DCP1B: variants seen among roughly 807,000 people sequenced by gnomAD.
The protein encoded by DCP1B is decapping mRNA 1B.
DCP1B carries 47 observed loss-of-function variants against 60.5 expected under a neutral mutation model. That is an observed-to-expected ratio of 0.78 (90% CI 0.61 to 0.99). DCP1B has a LOEUF of 0.99. Ranked by LOEUF, DCP1B falls within the 50% of genes least tolerant of loss-of-function variation. The pLI, the probability that DCP1B is intolerant of heterozygous loss-of-function variation, is 0.00. For synonymous variants in DCP1B, 267 were observed against 280.3 expected, an observed-to-expected ratio of 0.95 and a Z score of 0.47; for missense variants, 725 against 756.8, an observed-to-expected ratio of 0.96 and a Z score of 0.49.
intron 7 of DCP1B, among the ~76,000 whole-genome samples, chr12:1,950,984 A>G (rs988294327): frequency 2.0e-5 from 3 of 152,210 alleles, no homozygotes; most frequent in African/African-American, 7.2e-5. Flanking sequence ...TATAAGTTAC[A>G]TAACAGGCCA....
At chr12:1,959,927 T>C (rs931261365) in intron 5 of DCP1B, among the ~76,000 whole-genome samples, 3 of 147,788 alleles carry the variant, frequency 2.0e-5, no homozygotes, top group Non-Finnish European at 3.0e-5. Flanking sequence ...TCCACTGCAC[T>C]CCAGCTTGGG....
In DCP1B at chr12:1,955,577, A is replaced by C. The variant is rs1235234828; in HGVS notation, c.523-17T>G. 1 of 1,604,910 alleles carries C rather than the reference A, an allele frequency of 6.2e-7. No homozygotes were observed. The highest frequency in any genetic ancestry group is 8.5e-7 in the Non-Finnish European group (1 of 1,176,056). ...GGTTTTACACTGAAATAGAAAAGAA[A>C]ATCCCCTCATTTTTGGCTTAGAAAA... On this transcript the variant is annotated splice_polypyrimidine_tract_variant and intron_variant, in intron 5 of 8. Transcript: ENST00000280665.
Position 1,952,441 on chromosome 12 carries a change from G to C in DCP1B, c.1499C>G (p.Thr500Arg). The change falls in exon 7 of 9, where the codon ACA becomes AGA. Residue 500 changes from threonine to arginine, a missense_variant. Physicochemically the swap from Thr to Arg is moderately conservative, Grantham distance 71. Transcript: ENST00000280665. ...LESWINKTPN[T>R]EQQTPLFQVI... ...CTGGAAAAGAGGAGTCTGCTGTTCT[G>C]TGTTGGGTGTCTTGTTGATCCAGGA... The C allele has an allele frequency of 6.2e-7, 1 of 1,606,342 alleles. No individual in the cohort carries two copies.
intron 3 of DCP1B, among the ~76,000 whole-genome samples, chr12:1,990,513 T>C (rs1038822439): frequency 2.6e-5 from 4 of 152,226 alleles, no homozygotes; most frequent in African/African-American, 9.6e-5. Context: ...ATTTTGCTCT[T>C]CTACATTCAT....
At chr12:1,968,422 G>A (rs1006243725) in intron 3 of DCP1B, among the ~76,000 whole-genome samples, 5 of 150,516 alleles carry the variant, frequency 3.3e-5, no homozygotes, top group African/African-American at 7.3e-5. Context: ...GCAAAGACGC[G>A]CACCCACACA....
intron 5 of DCP1B, among the ~76,000 whole-genome samples, chr12:1,959,275 A>C (rs937193685): frequency 1.3e-5 from 2 of 152,268 alleles, no homozygotes; most frequent in Non-Finnish European, 2.9e-5. Context: ...ATAGCAAAGG[A>C]AACAGCAGAG....
intron 1 of DCP1B, among the ~76,000 whole-genome samples, chr12:2,001,774 C>G (rs1312719333): frequency 1.3e-5 from 2 of 152,186 alleles, no homozygotes; most frequent in Non-Finnish European, 2.9e-5. Context: ...GCTAGGAACA[C>G]AACGTTAGTC....
intron 3 of DCP1B, among the ~76,000 whole-genome samples, chr12:1,988,587 T>C (rs1401360578): frequency 6.6e-6 from 1 of 152,256 alleles, no homozygotes; most frequent in Non-Finnish European, 1.5e-5. Flanking sequence ...ATTCTATCTC[T>C]TTCGTAAAAT....
intron 3 of DCP1B, chr12:1,992,994 C>A: frequency 1.6e-6 from 1 of 620,140 alleles, no homozygotes; most frequent in African/African-American, 1.8e-5. Flanking sequence ...GGCTTAAGAT[C>A]AGCAATGGGT....
rs1303735973 is a variant in DCP1B at position 1,971,944 on chromosome 12, AAAG to A, written c.320-4037_320-4035del. Among the ~76,000 whole-genome samples the A allele has an allele frequency of 3.9e-5, 6 of 152,252 alleles. No homozygotes were observed. Among genetic ancestry groups the A allele is most frequent in the African/African-American group, 9.6e-5 (4 of 41,466 alleles). On this transcript the variant is annotated intron_variant, in intron 3 of 8. Transcript: ENST00000280665. The surrounding 1 kb of genome is among the most constrained non-coding windows in gnomAD (Gnocchi z 4.2). ...GTGATAATGTTTGTGTAAATTTTTA[AAAG>A]AAGATATATATCCATTCAATTAGGA...
intron 2 of DCP1B, among the ~76,000 whole-genome samples, chr12:1,994,841 C>G (rs2040412386): frequency 1.3e-5 from 2 of 152,176 alleles, no homozygotes; most frequent in Non-Finnish European, 2.9e-5. Context: ...GCCAACTGCT[C>G]TAAAGCAACT....
chr12:1,977,769 A>G (rs2034883753), intron 3 of DCP1B, among the ~76,000 whole-genome samples: 1 of 152,230 alleles, frequency 6.6e-6, no homozygotes, highest in Non-Finnish European at 1.5e-5. Context: ...ATAGTGAGCA[A>G]TATTGTTTCC....
At chr12:1,955,191 G>A (rs2030838587) in intron 6 of DCP1B, among the ~76,000 whole-genome samples, 1 of 152,126 alleles carries the variant, frequency 6.6e-6, no homozygotes, top group South Asian at 2.1e-4. Context: ...CTTTTAAGGA[G>A]TTCAAGTTCA....
intron 3 of DCP1B, among the ~76,000 whole-genome samples, chr12:1,979,073 G>A (rs1206294028): frequency 3.3e-5 from 5 of 151,072 alleles, no homozygotes; most frequent in African/African-American, 1.2e-4. Flanking sequence ...GCAATGGCGC[G>A]ATCTTGGCTC....
chr12:1,946,025 G>A (rs1030506970), downstream of DCP1B: 3 of 498,874 alleles, frequency 6.0e-6, no homozygotes, highest in Non-Finnish European at 1.0e-5. Flanking sequence ...AGAACTTAAA[G>A]TATAATAATA....
At chr12:1,995,812 G>A (rs2040662816) in intron 2 of DCP1B, among the ~76,000 whole-genome samples, 1 of 152,132 alleles carries the variant, frequency 6.6e-6, no homozygotes, top group African/African-American at 2.4e-5. Flanking sequence ...CTCCTTCAGG[G>A]AACAGCTTTT....
chr12:1,993,158 A>G (rs768798162), intron 3 of DCP1B, 106 bp downstream of exon 3: 2 of 1,456,428 alleles, frequency 1.4e-6, no homozygotes, highest in South Asian at 1.1e-5. Flanking sequence ...GACACCCCCC[A>G]TAGCCACTGA....
intron 5 of DCP1B, among the ~76,000 whole-genome samples, chr12:1,964,407 G>C (rs2031226494): frequency 1.3e-5 from 2 of 151,900 alleles, no homozygotes; most frequent in African/African-American, 2.4e-5. Flanking sequence ...CTATTTGCTT[G>C]TGTTGTATTT....
rs1398109728 is a variant in DCP1B at position 1,959,990 on chromosome 12, C to T, written c.523-4430G>A. 2.0e-5 allele frequency among the ~76,000 whole-genome samples: 3 copies of T among 151,962 alleles called. No individual in the cohort carries two copies. In the South Asian group the frequency reaches 6.2e-4, roughly 32 times the overall value. The stretch of plus-strand genomic sequence containing the variant: ...AAAAAAAAAAAATTTATGTTGGCTC[C>T]TCAAAAAATTAGAAATAGAACTACC... On this transcript the variant is annotated intron_variant, in intron 5 of 8. Coordinates refer to ENST00000280665, the MANE Select transcript of DCP1B (RefSeq NM_152640.5).
Sources: allele counts gnomAD v4.1 joint callset (sites outside exome capture counted in the v4.1 genomes callset), GRCh38; gene constraint gnomAD v4.1.1; non-coding constraint Gnocchi (gnomAD v3.1); transcripts MANE v1.5; gene names NCBI Gene and HGNC (gene_info 2026-07-23, HGNC 2026-07-21).